Variants in SCARA3 observed in about 807,000 individuals in gnomAD.
SCARA3 encodes the protein scavenger receptor class A member 3.
SCARA3 carries 39 observed loss-of-function variants against 47.0 expected under a neutral mutation model. The ratio of observed to expected loss-of-function variants is 0.83; its 90% CI spans 0.64 to 1.08. The LOEUF (loss-of-function observed/expected upper bound fraction) is 1.08. Ranked by LOEUF, SCARA3 falls within the 50% of genes least tolerant of loss-of-function variation. The probability of loss-of-function intolerance (pLI) is 0.00; values close to 1 mark genes in which losing one functional copy is unlikely to be tolerated. For synonymous variants in SCARA3, 356 were observed against 334.1 expected, an observed-to-expected ratio of 1.07 and a Z score of -0.71; for missense variants, 724 against 792.3, an observed-to-expected ratio of 0.91 and a Z score of 1.04.
the SCARA3 span, among the ~76,000 whole-genome samples, chr8:27,732,639 T>C: frequency 6.6e-6 from 1 of 152,222 alleles, no homozygotes; most frequent in Non-Finnish European, 1.5e-5. Flanking sequence ...TTTTTCTGTA[T>C]AAAAATTCTG....
chr8:27,642,738 C>T (rs1475655456), intron 1 of SCARA3, among the ~76,000 whole-genome samples: 1 of 152,120 alleles, frequency 6.6e-6, no homozygotes, highest in Non-Finnish European at 1.5e-5. Flanking sequence ...GTGGGAGGAT[C>T]GTTTGAACCC....
At chr8:27,677,003 C>A (rs531200897), downstream of SCARA3, among the ~76,000 whole-genome samples, 276 of 152,300 alleles carry the variant, frequency 1.8e-3, no homozygotes, top group Non-Finnish European at 3.3e-3. Flanking sequence ...CAACTTGGGA[C>A]TTGCTTGTTC....
At chr8:27,704,752 T>TCACA in the SCARA3 span, among the ~76,000 whole-genome samples, 31 of 149,662 alleles carry the variant, frequency 2.1e-4, no homozygotes, top group Admixed American at 7.9e-4. Context: ...TAGGATTCCA[T>TCACA]CACACACACA....
At chr8:27,691,170 T>C in the SCARA3 span, among the ~76,000 whole-genome samples, 2 of 149,682 alleles carry the variant, frequency 1.3e-5, no homozygotes, top group African/African-American at 4.8e-5. Flanking sequence ...TTTTAAAATA[T>C]AAAACAGTAA....
the SCARA3 span, among the ~76,000 whole-genome samples, chr8:27,716,364 T>C: frequency 1.1e-4 from 17 of 151,850 alleles, no homozygotes; most frequent in African/African-American, 4.1e-4. Flanking sequence ...TATGAAGAAA[T>C]GACTGGTCCC....
chr8:27,667,300 C>T (rs150458770), intron 5 of SCARA3, among the ~76,000 whole-genome samples: 3 of 152,360 alleles, frequency 2.0e-5, no homozygotes, highest in African/African-American at 4.8e-5. Context: ...GCAGGTGGTG[C>T]CCTGCTCACC....
downstream of SCARA3, among the ~76,000 whole-genome samples, chr8:27,681,770 T>C (rs1369322930): frequency 6.6e-6 from 1 of 152,194 alleles, no homozygotes; most frequent in African/African-American, 2.4e-5. Flanking sequence ...AAAGCATTGC[T>C]GAAAGAAATT....
chr8:27,671,081 G>T lies in SCARA3; in HGVS notation c.1551G>T (p.Gly517=). 6.2e-7 allele frequency: 1 copy of T among 1,610,298 alleles called. No individual in the cohort carries two copies. The highest frequency in any genetic ancestry group is 8.5e-7 in the Non-Finnish European group (1 of 1,178,454). Residue 517 remains glycine (G), a synonymous_variant, in exon 6 of 6, where the codon GGG becomes GGT. Coordinates refer to ENST00000301904, the MANE Select transcript of SCARA3 (RefSeq NM_016240.3). ...AAAGGGGCCCTGTTGGCCCTCGAGGGTTCCCAGGCCTCAAAGGCTCAAAGG... is the reference window on the plus strand; with the variant it reads ...AAAGGGGCCCTGTTGGCCCTCGAGGTTTCCCAGGCCTCAAAGGCTCAAAGG... ...VGERGPVGPR[G]FPGLKGSKGS... is the part of the protein sequence containing the mutation.
intron 3 of SCARA3, 29 bp from the exon 4 acceptor site, chr8:27,656,753 C>T: frequency 7.2e-7 from 1 of 1,382,896 alleles, no homozygotes. Context: ...TTAGACCCTG[C>T]CCCAGCTTCT....
intron 5 of SCARA3, among the ~76,000 whole-genome samples, chr8:27,666,758 C>T (rs1016136902): frequency 1.3e-5 from 2 of 152,202 alleles, no homozygotes; most frequent in Non-Finnish European, 2.9e-5. Flanking sequence ...GGGCCATGCA[C>T]TGCCCCTCCC....
At chr8:27,709,057 A>G in the SCARA3 span, among the ~76,000 whole-genome samples, 1 of 152,214 alleles carries the variant, frequency 6.6e-6, no homozygotes, top group South Asian at 2.1e-4. Context: ...TACCCAGCAC[A>G]GAATATGTCC....
At chr8:27,712,957 A>G in the SCARA3 span, among the ~76,000 whole-genome samples, 4 of 152,228 alleles carry the variant, frequency 2.6e-5, no homozygotes, top group Non-Finnish European at 5.9e-5. Context: ...TTGTTAATAC[A>G]ATGTCCTATG....
rs77880627 is a variant in SCARA3 at position 27,666,533 on chromosome 8, A to G, written c.1370-4367A>G. ...GTTTGAGAGTCCCTGAGCCAGGCCAATATTCTCATGGAGCAGAGGGGAGCC... is the reference window on the plus strand; with the variant it reads ...GTTTGAGAGTCCCTGAGCCAGGCCAGTATTCTCATGGAGCAGAGGGGAGCC... On this transcript the variant is annotated intron_variant, in intron 5 of 5. Coordinates refer to ENST00000301904, the MANE Select transcript of SCARA3 (RefSeq NM_016240.3). Among the ~76,000 whole-genome samples, 15 of 152,328 alleles carry G rather than the reference A, an allele frequency of 9.8e-5. No individual in the cohort carries two copies. In the South Asian group the frequency reaches 2.3e-3, roughly 23 times the overall value.
the SCARA3 span, among the ~76,000 whole-genome samples, chr8:27,714,884 C>A: frequency 2.6e-5 from 4 of 152,050 alleles, no homozygotes; most frequent in African/African-American, 9.7e-5. Context: ...AGATATTTGA[C>A]CCTCACAACC....
the SCARA3 span, among the ~76,000 whole-genome samples, chr8:27,728,813 C>T: frequency 3.3e-5 from 5 of 152,096 alleles, no homozygotes; most frequent in Admixed American, 1.3e-4. Flanking sequence ...TACTTGAGCC[C>T]GGGAGTTCGA....
At chr8:27,692,363 T>A in the SCARA3 span, among the ~76,000 whole-genome samples, 2 of 150,294 alleles carry the variant, frequency 1.3e-5, no homozygotes. Flanking sequence ...AAGGTTGTGG[T>A]GAGCTGAGAT....
rs1297453112 is a variant in SCARA3, at chr8:27,658,552, G to C, written c.382G>C (p.Glu128Gln). Residue 128 changes from glutamate (E) to glutamine (Q), a missense_variant, in exon 5 of 6, where the codon GAG (glutamate) becomes CAG (glutamine). Coordinates refer to ENST00000301904, the MANE Select transcript of SCARA3 (RefSeq NM_016240.3). The stretch of plus-strand genomic sequence containing the variant: ...CCATGAAGCTGGGCAGCTGGGGCCA[G>C]AGATCCGAAAACTGCAGGAGGAGCT... ...FCHEAGQLGP[E>Q]IRKLQEELEG... 1 of 1,614,038 alleles carries C rather than the reference G, an allele frequency of 6.2e-7. No homozygotes were observed. Among genetic ancestry groups the C allele is most frequent in the Non-Finnish European group, 8.5e-7 (1 of 1,179,958 alleles).
At chr8:27,710,831 C>G in the SCARA3 span, among the ~76,000 whole-genome samples, 1 of 151,190 alleles carries the variant, frequency 6.6e-6, no homozygotes, top group African/African-American at 2.4e-5. Context: ...AAAACATGTT[C>G]TGCTGTTCCA....
chr8:27,706,701 G>A, the SCARA3 span, among the ~76,000 whole-genome samples: 1 of 152,190 alleles, frequency 6.6e-6, no homozygotes, highest in Non-Finnish European at 1.5e-5. Context: ...AGAGGTGTTG[G>A]AGAGGGAGAA....
Sources: allele counts gnomAD v4.1 joint callset (sites outside exome capture counted in the v4.1 genomes callset), GRCh38; gene constraint gnomAD v4.1.1; transcripts MANE v1.5; gene names NCBI Gene and HGNC (gene_info 2026-07-23, HGNC 2026-07-21).